The following CPO variants were observed in gnomAD, a reference collection of about 807,000 sequenced individuals.
The protein encoded by CPO is metallocarboxypeptidase C.
Under a neutral mutation model 41.2 loss-of-function variants are expected in CPO, and 43 were observed. The ratio of observed to expected loss-of-function variants is 1.04; its 90% CI spans 0.82 to 1.35. CPO has a LOEUF of 1.35. Among genes scored for constraint, CPO ranks in the 40% most tolerant of loss-of-function variants. The probability of loss-of-function intolerance (pLI) is 0.00; values close to 1 mark genes in which losing one functional copy is unlikely to be tolerated. For missense variants in CPO, 408 were observed against 451.7 expected, an observed-to-expected ratio of 0.90 and a Z score of 0.88; for synonymous variants, 178 against 162.7, an observed-to-expected ratio of 1.09 and a Z score of -0.72.
At chr2:206,964,693 C>G (rs1693539897) in intron 7 of CPO, among the ~76,000 whole-genome samples, 1 of 152,186 alleles carries the variant, frequency 6.6e-6, no homozygotes, top group African/African-American at 2.4e-5. Flanking sequence ...TCTACAGAAT[C>G]AGATATTTCA....
In CPO at chr2:206,960,892, G is replaced by A; in HGVS notation, c.524G>A (p.Gly175Asp). 6.2e-7 allele frequency: 1 copy of A among 1,613,782 alleles called. No homozygotes were observed. The highest frequency in any genetic ancestry group is 2.2e-5 in the East Asian group (1 of 44,870). The change falls in exon 6 of 9, where the codon GGC becomes GAC. Residue 175 changes from glycine (G) to aspartate (D), a missense_variant. By Grantham distance (94) the Gly-to-Asp change is moderately conservative (BLOSUM62 -1). Coordinates refer to ENST00000272852, the MANE Select transcript of CPO (RefSeq NM_173077.3). ...AAATCCCGTTCACCCCATAATAATGGCACATGTTTTGGGACGGATCTCAAT... is the reference window on the plus strand; with the variant it reads ...AAATCCCGTTCACCCCATAATAATGACACATGTTTTGGGACGGATCTCAAT... ...WRKSRSPHNN[G>D]TCFGTDLNRN...
intron 1 of CPO, among the ~76,000 whole-genome samples, chr2:206,946,213 CA>C (rs1168908419): frequency 6.6e-6 from 1 of 151,920 alleles, no homozygotes; most frequent in African/African-American, 2.4e-5. Context: ...CTCATGAACA[CA>C]GATAGAAAAA....
At chr2:206,952,763 A>T (rs1204834582) in intron 2 of CPO, among the ~76,000 whole-genome samples, 1 of 152,190 alleles carries the variant, frequency 6.6e-6, no homozygotes, top group Non-Finnish European at 1.5e-5. Flanking sequence ...ATGGTGTATT[A>T]GTCTGTTCTC....
At chr2:206,959,371 C>T (rs997919262) in intron 4 of CPO, among the ~76,000 whole-genome samples, 10 of 151,972 alleles carry the variant, frequency 6.6e-5, no homozygotes, top group South Asian at 4.2e-4. Flanking sequence ...TAGAAATGTG[C>T]GGAGACAGGG....
intron 1 of CPO, among the ~76,000 whole-genome samples, chr2:206,948,878 G>A (rs2105820734): frequency 6.6e-6 from 1 of 152,232 alleles, no homozygotes; most frequent in African/African-American, 2.4e-5. Flanking sequence ...ATGGACTTTG[G>A]GTGATAATGA....
intron 7 of CPO, among the ~76,000 whole-genome samples, chr2:206,965,290 T>C (rs1353018603): frequency 6.6e-6 from 1 of 152,150 alleles, no homozygotes; most frequent in Non-Finnish European, 1.5e-5. Context: ...TACTTAGCAG[T>C]GTTTTTAGGT....
In CPO at chr2:206,969,385, A is replaced by T; in HGVS notation, c.1074A>T (p.Thr358=). 6.2e-7 allele frequency: 1 copy of T among 1,614,046 alleles called. No homozygotes were observed. The highest frequency in any genetic ancestry group is 8.5e-7 in the Non-Finnish European group (1 of 1,179,988). The change falls in exon 9 of 9, where the codon ACA becomes ACT. Residue 358 remains threonine (T), a synonymous_variant. Transcript: ENST00000272852. Reference sequence around the variant, plus strand: ...ACTCGGACAGTGCTGGAAGGGTGACATCTGCCACTATGCTGCTGGGCCTGC... The same window carrying T: ...ACTCGGACAGTGCTGGAAGGGTGACTTCTGCCACTATGCTGCTGGGCCTGC... ...HWHSDSAGRV[T]SATMLLGLLV... is the part of the protein sequence containing the mutation.
chr2:206,962,405 A>T lies in CPO; in HGVS notation c.575-7A>T, dbSNP rs1693496645. 6.2e-7 allele frequency: 1 copy of T among 1,612,940 alleles called. No individual in the cohort carries two copies. Among genetic ancestry groups the T allele is most frequent in the Non-Finnish European group, 8.5e-7 (1 of 1,179,094 alleles). On this transcript the variant is annotated splice_polypyrimidine_tract_variant and splice_region_variant and intron_variant, in intron 6 of 8. Coordinates refer to ENST00000272852, the MANE Select transcript of CPO (RefSeq NM_173077.3). ...CAGCCTTCTTTGTGGTTTCTTCCAT[A>T]TTCTAGGTATTGGTGCCTCTAGAAA...
At chr2:206,964,095 C>T (rs1693528251) in intron 7 of CPO, among the ~76,000 whole-genome samples, 1 of 152,134 alleles carries the variant, frequency 6.6e-6, no homozygotes, top group African/African-American at 2.4e-5. Flanking sequence ...CTTAATATCA[C>T]AGAGGCCTGA....
chr2:206,955,333 C>G, intron 2 of CPO, 130 bp from the exon 3 acceptor site: 1 of 681,606 alleles, frequency 1.5e-6, no homozygotes. Context: ...GTTTCTTTTA[C>G]CACACAGCTG....
intron 1 of CPO, among the ~76,000 whole-genome samples, chr2:206,945,167 TAGAGAA>T (rs1693120143): frequency 6.6e-6 from 1 of 151,946 alleles, no homozygotes. Context: ...AATGAAGACT[TAGAGAA>T]AGAGAAGACA....
chr2:206,965,685 GGCCT>G (rs1321736151), intron 7 of CPO, among the ~76,000 whole-genome samples: 2 of 152,018 alleles, frequency 1.3e-5, no homozygotes, highest in African/African-American at 4.8e-5. Context: ...CCATTCTGTG[GGCCT>G]GCCTCTGAAT....
chr2:206,965,995 G>A (rs2105829829), intron 7 of CPO, among the ~76,000 whole-genome samples: 1 of 152,268 alleles, frequency 6.6e-6, no homozygotes, highest in African/African-American at 2.4e-5. Context: ...TTGCTAAGCT[G>A]AGGATCACAA....
In CPO at chr2:206,949,599, A is replaced by G; in HGVS notation, c.69-18A>G. On this transcript the variant is annotated intron_variant, in intron 1 of 8. Transcript: ENST00000272852. ...CAGTTTCACCACTGCTTTTCCTCTTACTTTCTTCCCTTTGCAGATCCTTAG... is the reference window on the plus strand; with the variant it reads ...CAGTTTCACCACTGCTTTTCCTCTTGCTTTCTTCCCTTTGCAGATCCTTAG... 2 of 1,592,508 alleles carry G rather than the reference A, an allele frequency of 1.3e-6. No homozygotes were observed. The highest frequency in any genetic ancestry group is 1.7e-6 in the Non-Finnish European group (2 of 1,160,828).
chr2:206,962,398 C>A lies in CPO; in HGVS notation c.575-14C>A. 6.2e-7 allele frequency: 1 copy of A among 1,612,278 alleles called. No individual in the cohort carries two copies. The highest frequency in any genetic ancestry group is 8.5e-7 in the Non-Finnish European group (1 of 1,178,366). ...GATCATGCAGCCTTCTTTGTGGTTT[C>A]TTCCATATTCTAGGTATTGGTGCCT... On this transcript the variant is annotated splice_polypyrimidine_tract_variant and intron_variant, in intron 6 of 8. Transcript: ENST00000272852.
chr2:206,955,131 G>T (rs866492319), intron 2 of CPO, among the ~76,000 whole-genome samples: 1 of 152,236 alleles, frequency 6.6e-6, no homozygotes, highest in Non-Finnish European at 1.5e-5. Flanking sequence ...TGGCATGATT[G>T]TGTGCCACAT....
At chr2:206,966,581 G>T (rs1343100092) in intron 7 of CPO, among the ~76,000 whole-genome samples, 1 of 152,106 alleles carries the variant, frequency 6.6e-6, no homozygotes, top group East Asian at 1.9e-4. Flanking sequence ...GCCTCCCAGT[G>T]TAAATGATTA....
rs185281827 is a variant in CPO at position 206,943,673 on chromosome 2, A to G, written c.68+4006A>G. 4.4e-3 allele frequency among the ~76,000 whole-genome samples: 449 copies of G among 101,672 alleles called. 6 individuals are homozygous for G. Among genetic ancestry groups the G allele is most frequent in the African/African-American group, 0.015 (428 of 27,812 alleles). 66.7% of individuals were successfully genotyped at this position (101,672 alleles called of 152,430 possible). ...GTTACGATCAAATGAAGATAGATAGATGATAGATAGATAGATAGATAGATA... is the reference window on the plus strand; with the variant it reads ...GTTACGATCAAATGAAGATAGATAGGTGATAGATAGATAGATAGATAGATA... On this transcript the variant is annotated intron_variant, in intron 1 of 8. Transcript: ENST00000272852.
intron 1 of CPO, among the ~76,000 whole-genome samples, chr2:206,949,076 A>ACG (rs1693202656): frequency 2.0e-5 from 3 of 150,090 alleles, no homozygotes; most frequent in Non-Finnish European, 4.5e-5. Flanking sequence ...ACCATTGCAA[A>ACG]AAAAAAAAAA....
Sources: gnomAD v4.1 joint callset for allele counts (sites outside exome capture counted in the v4.1 genomes callset) on GRCh38, gnomAD v4.1.1 for gene constraint, MANE v1.5 for transcripts, NCBI Gene and HGNC (gene_info 2026-07-23, HGNC 2026-07-21) for gene names.